KIAA0319L: variants seen among roughly 807,000 people sequenced by gnomAD.
KIAA0319L encodes the protein dyslexia-associated protein KIAA0319-like protein.
KIAA0319L carries 55 observed loss-of-function variants against 120.1 expected under a neutral mutation model. That is an observed-to-expected ratio of 0.46 (90% confidence interval 0.37 to 0.57). The LOEUF (loss-of-function observed/expected upper bound fraction) is 0.57, where lower values mean the gene tolerates loss of function less well. Among genes scored for constraint, KIAA0319L ranks in the 20% least tolerant of loss-of-function variants. The pLI is 0.00. For missense variants in KIAA0319L, 1,049 were observed against 1,255.3 expected (o/e 0.84, Z 2.48); for synonymous variants, 398 against 471.9 (o/e 0.84, Z 2.03).
chr1:35,531,520 C>T (rs1452394682), intron 2 of KIAA0319L, among the ~76,000 whole-genome samples: 1 of 152,216 alleles, frequency 6.6e-6, no homozygotes, highest in Non-Finnish European at 1.5e-5. Flanking sequence ...ATGCGTGGGA[C>T]TCAGTGTGCA....
At chr1:35,464,443 A>G (rs1643115449) in intron 7 of KIAA0319L, among the ~76,000 whole-genome samples, 1 of 152,210 alleles carries the variant, frequency 6.6e-6, no homozygotes, top group African/African-American at 2.4e-5. Flanking sequence ...AACTTGAGAG[A>G]TGATTTAGGG....
intron 2 of KIAA0319L, among the ~76,000 whole-genome samples, chr1:35,531,032 T>G (rs1646346573): frequency 6.6e-6 from 1 of 152,226 alleles, no homozygotes; most frequent in Non-Finnish European, 1.5e-5. Context: ...GAGGCAGGGC[T>G]GCTGTCTGTA....
intron 7 of KIAA0319L, among the ~76,000 whole-genome samples, chr1:35,465,691 C>T (rs1430064134): frequency 6.6e-6 from 1 of 152,110 alleles, no homozygotes; most frequent in African/African-American, 2.4e-5. Flanking sequence ...TATGGTTTGG[C>T]TGTGTCCCCA....
intron 3 of KIAA0319L, among the ~76,000 whole-genome samples, chr1:35,493,933 T>C (rs1644698013): frequency 6.6e-6 from 1 of 152,080 alleles, no homozygotes; most frequent in Non-Finnish European, 1.5e-5. Flanking sequence ...TTTAATTAAA[T>C]GGAGAGATAC....
chr1:35,523,501 G>A (rs1052067533), intron 2 of KIAA0319L, among the ~76,000 whole-genome samples: 1 of 152,212 alleles, frequency 6.6e-6, no homozygotes, highest in African/African-American at 2.4e-5. Flanking sequence ...CCAGGTATCA[G>A]GTGGGTCATA....
chr1:35,474,537 T>C (rs541535845), intron 5 of KIAA0319L, among the ~76,000 whole-genome samples: 1 of 152,326 alleles, frequency 6.6e-6, no homozygotes, highest in South Asian at 2.1e-4. Flanking sequence ...AAATAGCAGA[T>C]GTAGAACTTA....
Position 35,456,964 on chromosome 1 carries a change from C to G in KIAA0319L, c.1428-723G>C, listed in dbSNP as rs888229004. On this transcript the variant is annotated intron_variant, in intron 9 of 20. Transcript: ENST00000325722. ...GGAAGGAAGGAAGGAAGGAAGGAAG[C>G]AAGCTTGCCCAAGGTCATACAGCTT... 8.4e-4 allele frequency among the ~76,000 whole-genome samples: 112 copies of G among 133,764 alleles called. 1 individual carries two copies. Among genetic ancestry groups the G allele is most frequent in the Admixed American group, 4.0e-3 (55 of 13,670 alleles). 87.8% of individuals were successfully genotyped at this position (133,764 alleles called of 152,430 possible). A position where few individuals can be genotyped will look rare whatever the true frequency, so the allele number is the denominator to read the frequency against.
intron 2 of KIAA0319L, among the ~76,000 whole-genome samples, chr1:35,540,340 G>A (rs1056725245): frequency 1.3e-5 from 2 of 152,204 alleles, no homozygotes; most frequent in Non-Finnish European, 2.9e-5. Context: ...TATAATTGGT[G>A]CTTGCTTCAT....
chr1:35,516,903 A>G (rs964633323), intron 2 of KIAA0319L, among the ~76,000 whole-genome samples: 6 of 152,198 alleles, frequency 3.9e-5, no homozygotes, highest in Non-Finnish European at 8.8e-5. Flanking sequence ...GCATTCCTAC[A>G]CACCAACACC....
At position 35,475,407 on chromosome 1, in the gene KIAA0319L, C is replaced by T. The variant is rs557688281; in HGVS notation, c.914-501G>A. On this transcript the variant is annotated intron_variant, in intron 4 of 20. Transcript: ENST00000325722. ...TTCTAGAAGGGAAGGCAAATGGTTA[C>T]AAATCTGCCTTACTTTCTTTCCATT... is the stretch of plus-strand genomic sequence containing the variant. 7.9e-5 allele frequency among the ~76,000 whole-genome samples: 12 copies of T among 152,222 alleles called. No homozygotes were observed. In the South Asian group the frequency reaches 2.1e-3, roughly 26 times the overall value.
chr1:35,448,808 T>A (rs1318597759), intron 15 of KIAA0319L, among the ~76,000 whole-genome samples: 1 of 152,162 alleles, frequency 6.6e-6, no homozygotes, highest in Non-Finnish European at 1.5e-5. Flanking sequence ...ATAATGGGAA[T>A]GCATCCGTCC....
At chr1:35,551,101 C>G (rs1647182222) in intron 2 of KIAA0319L, among the ~76,000 whole-genome samples, 1 of 152,072 alleles carries the variant, frequency 6.6e-6, no homozygotes, top group South Asian at 2.1e-4. Context: ...ATATTTATGC[C>G]AAGAAGTTCT....
chr1:35,528,697 T>C (rs150328949), intron 2 of KIAA0319L, among the ~76,000 whole-genome samples: 38 of 152,320 alleles, frequency 2.5e-4, no homozygotes, highest in African/African-American at 8.9e-4. Context: ...TGTCTATTGT[T>C]GAGAGTGGGG....
intron 5 of KIAA0319L, among the ~76,000 whole-genome samples, chr1:35,471,612 T>C (rs1236200652): frequency 6.6e-6 from 1 of 152,178 alleles, no homozygotes; most frequent in African/African-American, 2.4e-5. Context: ...GGTAGGATCC[T>C]ATCTAAATGG....
chr1:35,550,302 AATAAT>A (rs1647152217), intron 2 of KIAA0319L, among the ~76,000 whole-genome samples: 1 of 152,230 alleles, frequency 6.6e-6, no homozygotes, highest in African/African-American at 2.4e-5. Context: ...GTTTTTCAGA[AATAAT>A]CCATGAGCTA....
Position 35,454,717 on chromosome 1 carries a change from A to G in KIAA0319L, c.1657-232T>C, listed in dbSNP as rs1027708417. 4.7e-6 allele frequency: 5 copies of G among 1,064,490 alleles called. No individual in the cohort carries two copies. The Admixed American group carries it at 1.6e-4, about 34-fold the overall frequency. 65.9% of individuals were successfully genotyped at this position (1,064,490 alleles called of 1,614,324 possible). On this transcript the variant is annotated intron_variant, in intron 10 of 20. Transcript: ENST00000325722. ...CCTCTCTGACACAGCAGCAGTTTCA[A>G]ATAAAGCCAGAACTCTCATAAGAGA... is the stretch of plus-strand genomic sequence containing the variant.
chr1:35,507,205 G>A (rs1645239708), intron 2 of KIAA0319L, 70 bp from the exon 3 acceptor site: 3 of 1,425,132 alleles, frequency 2.1e-6, no homozygotes, highest in Admixed American at 2.5e-5. Context: ...AAAGAGCCCT[G>A]AGAACCAACA....
intron 16 of KIAA0319L, among the ~76,000 whole-genome samples, chr1:35,446,644 C>T (rs1263249130): frequency 2.6e-5 from 4 of 152,214 alleles, no homozygotes; most frequent in African/African-American, 9.6e-5. Flanking sequence ...TGCCAGATCA[C>T]CCCTTAACTT....
At chr1:35,512,131 G>A (rs914466996) in intron 2 of KIAA0319L, among the ~76,000 whole-genome samples, 1 of 151,892 alleles carries the variant, frequency 6.6e-6, no homozygotes, top group African/African-American at 2.4e-5. Flanking sequence ...TTAGCCAGGT[G>A]TGGTGGCACA....
Sources: allele counts gnomAD v4.1 joint callset (sites outside exome capture counted in the v4.1 genomes callset), GRCh38; gene constraint gnomAD v4.1.1; transcripts MANE v1.5; gene names NCBI Gene and HGNC (gene_info 2026-07-23, HGNC 2026-07-21).